Variants in DACH1 observed in about 807,000 individuals in gnomAD.
The protein encoded by DACH1 is dachshund homolog 1.
Under a neutral mutation model 54.2 loss-of-function variants are expected in DACH1, and 12 were observed. That is an observed-to-expected ratio of 0.22 (90% confidence interval 0.14 to 0.36). DACH1 has a LOEUF of 0.36. Among genes scored for constraint, DACH1 ranks in the 10% least tolerant of loss-of-function variants. The pLI is 1.00. For synonymous variants in DACH1, 386 were observed against 366.2 expected (o/e 1.05, Z -0.62); for missense variants, 805 against 929.8 (o/e 0.87, Z 1.75).
chr13:71,772,084 C>T (rs1411177829), intron 1 of DACH1, among the ~76,000 whole-genome samples: 1 of 151,522 alleles, frequency 6.6e-6, no homozygotes, highest in Non-Finnish European at 1.5e-5. Flanking sequence ...ACAAACCAAG[C>T]AGTAATTACA....
At chr13:71,506,675 C>A (rs187668964) in intron 6 of DACH1, among the ~76,000 whole-genome samples, 51 of 152,122 alleles carry the variant, frequency 3.4e-4, no homozygotes, top group Middle Eastern at 3.4e-3. Context: ...GCTACAGTAA[C>A]CAAAGCAGCA....
chr13:71,855,970 A>G (rs1006460692), intron 1 of DACH1, among the ~76,000 whole-genome samples: 1 of 152,016 alleles, frequency 6.6e-6, no homozygotes, highest in African/African-American at 2.4e-5. Flanking sequence ...ATATACATAA[A>G]GAGAAGAATT....
At chr13:71,728,655 A>C (rs1003678069) in intron 1 of DACH1, among the ~76,000 whole-genome samples, 23 of 152,036 alleles carry the variant, frequency 1.5e-4, no homozygotes, top group Admixed American at 5.2e-4. Context: ...GAAAGCAAAC[A>C]ACAGATAAGC....
chr13:71,567,148 A>T (rs909987089), intron 4 of DACH1, among the ~76,000 whole-genome samples: 5 of 152,184 alleles, frequency 3.3e-5, no homozygotes, highest in Non-Finnish European at 7.4e-5. Context: ...ACACACACAC[A>T]TGCACAGACA....
At position 71,546,312 on chromosome 13, in the gene DACH1, A is replaced by G. The variant is rs567967118; in HGVS notation, c.1570+10712T>C. Among the ~76,000 whole-genome samples the G allele has an allele frequency of 8.5e-5, 13 of 152,166 alleles. No individual in the cohort carries two copies. In the East Asian group the frequency reaches 2.5e-3, roughly 29 times the overall value. Reference sequence around the variant, plus strand: ...TCAAAAGAGGGATATATAAAGAAGAAAATTAATTTATGGCTTTTTTAAAGT... The same window carrying G: ...TCAAAAGAGGGATATATAAAGAAGAGAATTAATTTATGGCTTTTTTAAAGT... On this transcript the variant is annotated intron_variant, in intron 6 of 10. Coordinates refer to ENST00000613252, the MANE Select transcript of DACH1 (RefSeq NM_080759.6).
At chr13:71,501,510 G>C (rs1279196582) in intron 6 of DACH1, among the ~76,000 whole-genome samples, 1 of 152,142 alleles carries the variant, frequency 6.6e-6, no homozygotes, top group Admixed American at 6.6e-5. Context: ...GCATATGTTT[G>C]AGATTTGCTT....
chr13:71,652,261 G>C (rs1878738970), intron 2 of DACH1, among the ~76,000 whole-genome samples: 1 of 152,054 alleles, frequency 6.6e-6, no homozygotes, highest in African/African-American at 2.4e-5. Context: ...CTAACAAATC[G>C]TTACTGTCCC....
chr13:71,786,974 C>T (rs1041007112), intron 1 of DACH1, among the ~76,000 whole-genome samples: 1 of 152,142 alleles, frequency 6.6e-6, no homozygotes, highest in African/African-American at 2.4e-5. Context: ...GCAGGCACTC[C>T]TTAGCCAGCC....
At chr13:71,657,013 T>TAC (rs140643805) in intron 2 of DACH1, among the ~76,000 whole-genome samples, 20 of 144,232 alleles carry the variant, frequency 1.4e-4, no homozygotes, top group East Asian at 4.1e-4. Context: ...TATATATATA[T>TAC]ACACACACAC....
intron 1 of DACH1, among the ~76,000 whole-genome samples, chr13:71,816,929 G>A (rs1887985533): frequency 6.6e-6 from 1 of 151,992 alleles, no homozygotes. Flanking sequence ...GTGGGAGGAG[G>A]TAGAGGATCA....
intron 1 of DACH1, 35 bp from the exon 2 acceptor site, chr13:71,681,945 G>A: frequency 1.5e-6 from 2 of 1,346,994 alleles, no homozygotes; most frequent in South Asian, 1.2e-5. Context: ...TTACAATTAA[G>A]CTATTGTCTT....
At chr13:71,821,010 T>C (rs1284247794) in intron 1 of DACH1, among the ~76,000 whole-genome samples, 2 of 152,160 alleles carry the variant, frequency 1.3e-5, no homozygotes, top group African/African-American at 2.4e-5. Context: ...ATAAGACAGC[T>C]AGCTGTACTG....
intron 1 of DACH1, among the ~76,000 whole-genome samples, chr13:71,802,155 C>T (rs888903789): frequency 6.6e-6 from 1 of 151,964 alleles, no homozygotes; most frequent in Non-Finnish European, 1.5e-5. Context: ...GTGGCCAGAG[C>T]CTTTTTTTTT....
intron 1 of DACH1, among the ~76,000 whole-genome samples, chr13:71,818,164 G>A (rs775727189): frequency 3.3e-4 from 50 of 152,134 alleles, no homozygotes; most frequent in Non-Finnish European, 5.9e-4. Context: ...AACAGTGCTA[G>A]AACAGACCAG....
chr13:71,674,144 T>C (rs1880398413), intron 2 of DACH1, among the ~76,000 whole-genome samples: 1 of 152,126 alleles, frequency 6.6e-6, no homozygotes, highest in Non-Finnish European at 1.5e-5. Flanking sequence ...TACACACCAG[T>C]GATACCAAAG....
chr13:71,820,393 G>A (rs192395352), intron 1 of DACH1, among the ~76,000 whole-genome samples: 5 of 152,246 alleles, frequency 3.3e-5, no homozygotes, highest in African/African-American at 1.2e-4. Flanking sequence ...TTGCTCATGA[G>A]ATGACTTTTC....
chr13:71,603,825 G>T (rs1049779967), intron 3 of DACH1, among the ~76,000 whole-genome samples: 10 of 151,722 alleles, frequency 6.6e-5, no homozygotes, highest in African/African-American at 2.4e-4. Context: ...ATGTGATACC[G>T]ATATTATGCT....
chr13:71,576,985 T>C (rs1885569887), intron 3 of DACH1, among the ~76,000 whole-genome samples: 1 of 152,160 alleles, frequency 6.6e-6, no homozygotes, highest in African/African-American at 2.4e-5. Flanking sequence ...TTCCAAGTGG[T>C]AAAGGCCTAA....
chr13:71,613,336 G>A (rs1875480966), intron 3 of DACH1, among the ~76,000 whole-genome samples: 1 of 152,142 alleles, frequency 6.6e-6, no homozygotes, highest in Non-Finnish European at 1.5e-5. Flanking sequence ...GAGAGGAGGT[G>A]AGGAGCATTC....
Sources: gnomAD v4.1 joint callset for allele counts (sites outside exome capture counted in the v4.1 genomes callset) on GRCh38, gnomAD v4.1.1 for gene constraint, MANE v1.5 for transcripts, NCBI Gene and HGNC (gene_info 2026-07-23, HGNC 2026-07-21) for gene names.